EIPR1: variants seen among roughly 807,000 people sequenced by gnomAD.
The protein encoded by EIPR1 is EARP and GARP complex-interacting protein 1.
A neutral mutation model predicts 48.1 loss-of-function variants in EIPR1; 25 were observed. The ratio of observed to expected loss-of-function variants is 0.52; its 90% confidence interval spans 0.38 to 0.73. The LOEUF (loss-of-function observed/expected upper bound fraction) is 0.73, where lower values mean the gene tolerates loss of function less well. Among genes scored for constraint, EIPR1 ranks in the 30% least tolerant of loss-of-function variants. EIPR1 has a pLI of 0.00. For missense variants in EIPR1, 415 were observed against 506.2 expected (o/e 0.82, Z 1.73); for synonymous variants, 204 against 201.9 (o/e 1.01, Z -0.09).
chr2:3,326,020 G>A lies in EIPR1; in HGVS notation c.259+11997C>T, dbSNP rs1669686609. Among the ~76,000 whole-genome samples, 4 of 152,208 alleles carry A rather than the reference G, an allele frequency of 2.6e-5. No homozygotes were observed. The South Asian group carries it at 8.3e-4, about 31-fold the overall frequency. On this transcript the variant is annotated intron_variant, in intron 3 of 8. Coordinates refer to ENST00000382125, the MANE Select transcript of EIPR1 (RefSeq NM_003310.5). ...AGTGGGCTTTGTTGCCTGTGCCAGG[G>A]GCTCCTGAGGCGGCTGCTCCCCAGT... is the stretch of plus-strand genomic sequence containing the variant.
chr2:3,201,994 T>C (rs555104339), intron 5 of EIPR1, among the ~76,000 whole-genome samples: 4 of 152,202 alleles, frequency 2.6e-5, no homozygotes, highest in African/African-American at 9.7e-5. Context: ...TGGAGTGCAG[T>C]GGCGCGATCT....
intron 3 of EIPR1, among the ~76,000 whole-genome samples, chr2:3,272,627 G>A (rs1160652027): frequency 6.6e-6 from 1 of 152,094 alleles, no homozygotes; most frequent in Non-Finnish European, 1.5e-5. Context: ...GGTTCGTGGA[G>A]CCCCAAAACA....
At chr2:3,339,602 A>T (rs1392460377) in intron 2 of EIPR1, among the ~76,000 whole-genome samples, 1 of 152,170 alleles carries the variant, frequency 6.6e-6, no homozygotes, top group African/African-American at 2.4e-5. Context: ...CACCATCCCC[A>T]CCTGGTGCCA....
chr2:3,360,331 G>A (rs1403919894), intron 1 of EIPR1, among the ~76,000 whole-genome samples: 1 of 151,552 alleles, frequency 6.6e-6, no homozygotes, highest in Non-Finnish European at 1.5e-5. Flanking sequence ...TTGAACCAGG[G>A]AGGCAGAAGT....
At chr2:3,338,187 C>T in intron 2 of EIPR1, 38 bp from the exon 3 acceptor site, 1 of 1,602,866 alleles carries the variant, frequency 6.2e-7, no homozygotes, top group Non-Finnish European at 8.5e-7. Flanking sequence ...GGATCTCAAA[C>T]ACTTTCCTCA....
chr2:3,294,918 C>T (rs1668496448), intron 3 of EIPR1, among the ~76,000 whole-genome samples: 1 of 134,252 alleles, frequency 7.4e-6, no homozygotes. Context: ...TCCCTGCACA[C>T]ACACCCGCCA....
intron 3 of EIPR1, among the ~76,000 whole-genome samples, chr2:3,293,066 C>T (rs1347213941): frequency 6.6e-6 from 1 of 152,248 alleles, no homozygotes; most frequent in Non-Finnish European, 1.5e-5. Context: ...TCTCCCAAGT[C>T]CTCTGCCAGC....
rs1027209417 is a variant in EIPR1 at position 3,280,196 on chromosome 2, C to T, written c.260-22741G>A. 1.7e-4 allele frequency among the ~76,000 whole-genome samples: 26 copies of T among 152,208 alleles called. 1 individual carries two copies. Among genetic ancestry groups the T allele is most frequent in the Admixed American group, 7.9e-4 (12 of 15,286 alleles). On this transcript the variant is annotated intron_variant, in intron 3 of 8. Coordinates refer to ENST00000382125, the MANE Select transcript of EIPR1 (RefSeq NM_003310.5). Reference sequence around the variant, plus strand: ...AAAACACTCTTCCTTCCACACTGACCGCCCTGCTTAGCCCCTTTAAACCTG... The same window carrying T: ...AAAACACTCTTCCTTCCACACTGACTGCCCTGCTTAGCCCCTTTAAACCTG...
intron 5 of EIPR1, among the ~76,000 whole-genome samples, chr2:3,209,523 C>T (rs770426324): frequency 3.9e-5 from 6 of 152,220 alleles, no homozygotes; most frequent in Non-Finnish European, 7.3e-5. Flanking sequence ...CACTGTCAAA[C>T]GCACAGCGAT....
intron 3 of EIPR1, among the ~76,000 whole-genome samples, chr2:3,326,045 T>C (rs1279344459): frequency 6.6e-6 from 1 of 152,166 alleles, no homozygotes; most frequent in African/African-American, 2.4e-5. Context: ...TGCTCCCCAG[T>C]GCAGAGGAGG....
chr2:3,208,584 T>C (rs1415518161), intron 5 of EIPR1: 1 of 1,550,470 alleles, frequency 6.4e-7, no homozygotes, highest in Non-Finnish European at 8.7e-7. Flanking sequence ...TATTACCCTC[T>C]CCAAAGTGAG....
chr2:3,341,340 G>C (rs1363161903), intron 2 of EIPR1, among the ~76,000 whole-genome samples: 1 of 152,188 alleles, frequency 6.6e-6, no homozygotes, highest in East Asian at 1.9e-4. Flanking sequence ...TCAGACTCCA[G>C]GAATCTGAGG....
intron 3 of EIPR1, among the ~76,000 whole-genome samples, chr2:3,271,738 G>C (rs1250812784): frequency 6.6e-6 from 1 of 152,170 alleles, no homozygotes; most frequent in Non-Finnish European, 1.5e-5. Flanking sequence ...AAGAGGCCTA[G>C]GTTTTTCAGA....
chr2:3,213,062 A>G (rs1270851194), intron 5 of EIPR1, among the ~76,000 whole-genome samples: 1 of 152,206 alleles, frequency 6.6e-6, no homozygotes, highest in African/African-American at 2.4e-5. Flanking sequence ...ACTTATTAAT[A>G]TTCTAAGGCA....
intron 3 of EIPR1, among the ~76,000 whole-genome samples, chr2:3,335,380 C>T (rs1670012338): frequency 6.6e-6 from 1 of 152,084 alleles, no homozygotes; most frequent in East Asian, 1.9e-4. Flanking sequence ...CAGAGCTTGC[C>T]TGGAATATCC....
At chr2:3,292,275 T>C (rs1244281703) in intron 3 of EIPR1, among the ~76,000 whole-genome samples, 1 of 152,226 alleles carries the variant, frequency 6.6e-6, no homozygotes, top group Admixed American at 6.5e-5. Flanking sequence ...TAATGGTTTA[T>C]CATCTTCAAG....
chr2:3,290,464 C>A (rs984830198), intron 3 of EIPR1, among the ~76,000 whole-genome samples: 1 of 152,126 alleles, frequency 6.6e-6, no homozygotes, highest in Non-Finnish European at 1.5e-5. Context: ...GGAACCTAAG[C>A]CATAATCAAG....
chr2:3,221,706 GA>G (rs1178451358), intron 4 of EIPR1, among the ~76,000 whole-genome samples: 15 of 24,014 alleles, frequency 6.2e-4, no homozygotes, highest in East Asian at 2.9e-3. Context: ...AGTGAGACCG[GA>G]ACACACGCAC....
At chr2:3,288,237 G>T (rs1013810829) in intron 3 of EIPR1, among the ~76,000 whole-genome samples, 3 of 152,224 alleles carry the variant, frequency 2.0e-5, no homozygotes, top group African/African-American at 7.2e-5. Context: ...TCCAAGCCCT[G>T]CCTCTCTGCT....
Sources: gnomAD v4.1 joint callset for allele counts (sites outside exome capture counted in the v4.1 genomes callset) on GRCh38, gnomAD v4.1.1 for gene constraint, MANE v1.5 for transcripts, NCBI Gene and HGNC (gene_info 2026-07-23, HGNC 2026-07-21) for gene names.